MUC3A: variants seen among roughly 807,000 people sequenced by gnomAD.
MUC3A encodes the protein mucin-3A.
MUC3A carries 109 observed loss-of-function variants against 109.0 expected under a neutral mutation model. The observed-to-expected ratio is 1.00, with a 90% CI of 0.86 to 1.17. MUC3A has a LOEUF of 1.17. MUC3A is among the 50% of genes most tolerant of loss of function. The pLI is 0.00. For synonymous variants in MUC3A, 1,398 were observed against 981.4 expected, an observed-to-expected ratio of 1.42 and a Z score of -7.93; for missense variants, 3,537 against 2,469.4, an observed-to-expected ratio of 1.43 and a Z score of -9.16.
rs1436736513 is a variant in MUC3A, at chr7:100,965,871, G to T, written c.9611+5G>T. 1 of 1,589,558 alleles carries T rather than the reference G, an allele frequency of 6.3e-7. No individual in the cohort carries two copies. Among genetic ancestry groups the T allele is most frequent in the Non-Finnish European group, 8.5e-7 (1 of 1,173,922 alleles). On this transcript the variant is annotated splice_donor_5th_base_variant and intron_variant, in intron 8 of 11. Coordinates refer to ENST00000379458, the MANE Select transcript of MUC3A (RefSeq NM_005960.2). ...GACGAGCGGTCCCACGTGTCGGTAA[G>T]GCCCCGCTCACCATCGGCATCAGCC...
At position 100,964,723 on chromosome 7, in the gene MUC3A, G is replaced by T; in HGVS notation, c.9262G>T (p.Val3088Phe). ...RNGSIVVDYL[V>F]LLEMPFSPQL... ...TGGCAGCATCGTGGTGGACTACCTGGTCCTGCTGGAGATGCCCTTCAGCCC... is the reference window on the plus strand; with the variant it reads ...TGGCAGCATCGTGGTGGACTACCTGTTCCTGCTGGAGATGCCCTTCAGCCC... The change falls in exon 6 of 12, where the codon GTC (valine) becomes TTC (phenylalanine). Residue 3088 changes from valine (V) to phenylalanine (F), a missense_variant. Transcript: ENST00000379458. 6.3e-7 allele frequency: 1 copy of T among 1,598,450 alleles called. No homozygotes were observed. The highest frequency in any genetic ancestry group is 8.5e-7 in the Non-Finnish European group (1 of 1,179,752).
Position 100,959,973 on chromosome 7 carries a change from A to C in MUC3A, c.8194A>C (p.Ser2732Arg). The C allele has an allele frequency of 6.6e-7, 1 of 1,507,904 alleles. No individual in the cohort carries two copies. Among genetic ancestry groups the C allele is most frequent in the East Asian group, 2.3e-5 (1 of 44,180 alleles). 93.4% of individuals were successfully genotyped at this position (1,507,904 alleles called of 1,614,324 possible). A position where few individuals can be genotyped will look rare whatever the true frequency, so the allele number is the denominator to read the frequency against. The change falls in exon 2 of 12, where the codon AGT (serine) becomes CGT (arginine). Residue 2732 changes from serine to arginine, a missense_variant. By Grantham distance (110) the Ser-to-Arg change is moderately radical. Coordinates refer to ENST00000379458, the MANE Select transcript of MUC3A (RefSeq NM_005960.2). ...CTCCGCTTCTATCACAGGCTTTCCTAGTCTCTCTTCCTCTGCAACTACCAG... is the reference window on the plus strand; with the variant it reads ...CTCCGCTTCTATCACAGGCTTTCCTCGTCTCTCTTCCTCTGCAACTACCAG... ...VGSASITGFP[S>R]LSSSATTSTS...
In MUC3A at chr7:100,955,501, C is replaced by T. The variant is rs1486037544; in HGVS notation, c.3722C>T (p.Pro1241Leu). The T allele has an allele frequency of 1.9e-6, 1 of 531,648 alleles. No individual in the cohort carries two copies. The allele number at this position is 531,648 out of a possible 1,614,324, so 32.9% of individuals were successfully genotyped here. The change falls in exon 2 of 12, where the codon CCC becomes CTC. Residue 1241 changes from proline to leucine, a missense_variant. Coordinates refer to ENST00000379458, the MANE Select transcript of MUC3A (RefSeq NM_005960.2). Reference sequence around the variant, plus strand: ...TCCACAAGTGTCATTCCATCTTCCCCCAGCATCCAGAATACAGAAACCTCA... The same window carrying T: ...TCCACAAGTGTCATTCCATCTTCCCTCAGCATCCAGAATACAGAAACCTCA... ...AMSTSVIPSS[P>L]SIQNTETSSL...
intron 5 of MUC3A, 25 bp downstream of exon 5, chr7:100,963,777 G>C: frequency 6.3e-7 from 1 of 1,598,536 alleles, no homozygotes; most frequent in Non-Finnish European, 8.5e-7. Flanking sequence ...TGGGGATGCG[G>C]AGGCGGTGTT....
At chr7:100,962,426 A>G (rs200400637) in intron 3 of MUC3A, among the ~76,000 whole-genome samples, 3 of 104,070 alleles carry the variant, frequency 2.9e-5, no homozygotes, top group Admixed American at 2.7e-4. Context: ...TCAACAATAA[A>G]AAAAAGTTAG....
rs773236924 is a variant in MUC3A at position 100,966,933 on chromosome 7, C to G, written c.9912C>G (p.Asn3304Lys). 132 of 1,598,200 alleles carry G rather than the reference C, an allele frequency of 8.3e-5. No individual in the cohort carries two copies. Among genetic ancestry groups the G allele is most frequent in the Admixed American group, 1.7e-5 (1 of 60,014 alleles). Residue 3304 changes from asparagine (N) to lysine (K), a missense_variant, in exon 11 of 12, where the codon AAC (asparagine) becomes AAG (lysine). Physicochemically the swap from Asn to Lys is moderately conservative, Grantham distance 94 (BLOSUM62 0). Transcript: ENST00000379458. ...CAAATTTCTATGTGGCCTTGGAGAA[C>G]GTGGACACCACTATGAAGGTGAGGG... is the stretch of plus-strand genomic sequence containing the variant. ...KDTNFYVALE[N>K]VDTTMKVHIK...
chr7:100,962,491 A>G (rs1302464260), intron 3 of MUC3A, among the ~76,000 whole-genome samples: 1 of 152,308 alleles, frequency 6.6e-6, no homozygotes, highest in Non-Finnish European at 1.5e-5. Context: ...GCCATGTAGT[A>G]TAGCATAGTC....
intron 11 of MUC3A, 36 bp downstream of exon 11, chr7:100,966,987 C>G: frequency 6.3e-7 from 1 of 1,598,548 alleles, no homozygotes; most frequent in Non-Finnish European, 8.5e-7. Context: ...AAGGAACTCT[C>G]CCAGCCTCCA....
At position 100,963,237 on chromosome 7, in the gene MUC3A, A is replaced by G. The variant is rs919091505; in HGVS notation, c.9139A>G (p.Arg3047Gly). The G allele has an allele frequency of 6.3e-7, 1 of 1,598,150 alleles. No homozygotes were observed. Among genetic ancestry groups the G allele is most frequent in the Non-Finnish European group, 8.5e-7 (1 of 1,179,654 alleles). The change falls in exon 4 of 12, where the codon AGG becomes GGG. Residue 3047 changes from arginine to glycine, a missense_variant. By Grantham distance (125) the Arg-to-Gly change is moderately radical. Transcript: ENST00000379458. ...DLNDNTSQAY[R>G]DFNKTFWNQM... ...CAATGACAACACTTCCCAGGCCTAC[A>G]GGGATTTCAACAAGACCTTCTGGAA...
Position 100,957,281 on chromosome 7 carries a change from A to T in MUC3A, c.5502A>T (p.Thr1834=), listed in dbSNP as rs1792122946. 3.6e-6 allele frequency: 2 copies of T among 556,308 alleles called. No homozygotes were observed. Among genetic ancestry groups the T allele is most frequent in the Non-Finnish European group, 6.3e-6 (2 of 318,046 alleles). The allele number at this position is 556,308 out of a possible 1,614,324, so 34.5% of individuals were successfully genotyped here. ...TCTCCAATTCCGACACCAGTTCTAC[A>T]CCTACATCTGAGACCACCTACCCTA... is the stretch of plus-strand genomic sequence containing the variant. The part of the protein sequence containing the change: ...TTFSNSDTSS[T]PTSETTYPTS... Residue 1834 remains threonine, a synonymous_variant, in exon 2 of 12, where the codon ACA becomes ACT. Transcript: ENST00000379458.
In MUC3A at chr7:100,956,847, C is replaced by T; in HGVS notation, c.5068C>T (p.Leu1690Phe). Residue 1690 changes from leucine (L) to phenylalanine (F), a missense_variant, in exon 2 of 12, where the codon CTC becomes TTC. Coordinates refer to ENST00000379458, the MANE Select transcript of MUC3A (RefSeq NM_005960.2). The part of the protein sequence containing the change: ...ISSPPAITST[L>F]HTTAESTPSP... ...CTCACCCCCAGCCATCACCAGTACACTCCACACAACAGCTGAATCCACCCC... is the reference window on the plus strand; with the variant it reads ...CTCACCCCCAGCCATCACCAGTACATTCCACACAACAGCTGAATCCACCCC... 1 of 415,684 alleles carries T rather than the reference C, an allele frequency of 2.4e-6. No individual in the cohort carries two copies. 25.7% of individuals were successfully genotyped at this position (415,684 alleles called of 1,614,324 possible). A position where few individuals can be genotyped will look rare whatever the true frequency, so the allele number is the denominator to read the frequency against.
chr7:100,966,821 C>T, intron 10 of MUC3A, 78 bp downstream of exon 10: 1 of 1,598,410 alleles, frequency 6.3e-7, no homozygotes. Flanking sequence ...CCCTGCCTTC[C>T]TCGCATTTAC....
rs1383948360 is a variant in MUC3A at position 100,960,267 on chromosome 7, G to T, written c.8488G>T (p.Asp2830Tyr). Residue 2830 changes from aspartate (D) to tyrosine (Y), a missense_variant, in exon 2 of 12, where the codon GAC (aspartate) becomes TAC (tyrosine). By Grantham distance (160) the Asp-to-Tyr change is radical (BLOSUM62 -3). Transcript: ENST00000379458. ...SIQTTLTTYM[D>Y]TSSMMPESES... ...CCAAACTACTCTTACTACATATATG[G>T]ACACTTCTTCCATGATGCCAGAAAG... 1.9e-6 allele frequency: 3 copies of T among 1,598,432 alleles called. No individual in the cohort carries two copies. The highest frequency in any genetic ancestry group is 2.2e-5 in the South Asian group (2 of 91,092).
At chr7:100,960,978 G>A (rs1792308687) in intron 3 of MUC3A, 41 bp downstream of exon 3, 2 of 1,598,246 alleles carry the variant, frequency 1.3e-6, no homozygotes, top group South Asian at 1.1e-5. Flanking sequence ...TCCTCCCACA[G>A]GGTGTCACTG....
intron 5 of MUC3A, chr7:100,963,953 C>T (rs1293279474): frequency 4.2e-6 from 3 of 710,224 alleles, no homozygotes; most frequent in Middle Eastern, 3.6e-4. Flanking sequence ...CTCTCTTCTT[C>T]AGCACACTGG....
Position 100,968,300 on chromosome 7 carries a change from C to G in MUC3A, c.*1138C>G, listed in dbSNP as rs1792719082. On this transcript the variant is annotated 3_prime_UTR_variant, in exon 12 of 12. Transcript: ENST00000379458. ...TGGCTTTGGGGACAGGAAGTCGGCACATCTCCAGGTCTTCATGTGCACAAT... is the reference window on the plus strand; with the variant it reads ...TGGCTTTGGGGACAGGAAGTCGGCAGATCTCCAGGTCTTCATGTGCACAAT... 1 of 153,058 alleles carries G rather than the reference C, an allele frequency of 6.5e-6. No individual in the cohort carries two copies. The highest frequency in any genetic ancestry group is 1.5e-5 in the Non-Finnish European group (1 of 68,616). 9.5% of individuals were successfully genotyped at this position (153,058 alleles called of 1,614,324 possible).
At chr7:100,965,235 C>A in intron 6 of MUC3A, 47 bp from the exon 7 acceptor site, 3 of 2,224 alleles carry the variant, frequency 1.3e-3, no homozygotes, top group Non-Finnish European at 2.2e-3. Flanking sequence ...TTGACCTTAA[C>A]CCCTTGATCT....
At chr7:100,961,970 C>CTGAT (rs1792346513) in intron 3 of MUC3A, among the ~76,000 whole-genome samples, 1 of 37,502 alleles carries the variant, frequency 2.7e-5, no homozygotes, top group Admixed American at 3.6e-4. Flanking sequence ...ACTTACCTCA[C>CTGAT]GCCTGTAATC....
In MUC3A at chr7:100,954,142, C is replaced by G. The variant is rs1792042187; in HGVS notation, c.2363C>G (p.Thr788Arg). ...TSSTVYSTAS[T>R]YTTAITSVPT... ...TCAACCGTCTACTCCACAGCCAGCA[C>G]ATACACAACTGCCATCACCTCAGTT... The change falls in exon 2 of 12, where the codon ACA becomes AGA. Residue 788 changes from threonine to arginine, a missense_variant. Transcript: ENST00000379458. 1.4e-5 allele frequency: 8 copies of G among 590,704 alleles called. No homozygotes were observed. The highest frequency in any genetic ancestry group is 2.4e-5 in the Non-Finnish European group (8 of 335,810). 36.6% of individuals were successfully genotyped at this position (590,704 alleles called of 1,614,324 possible).
Sources: allele counts gnomAD v4.1 joint callset (sites outside exome capture counted in the v4.1 genomes callset), GRCh38; gene constraint gnomAD v4.1.1; transcripts MANE v1.5; gene names NCBI Gene and HGNC (gene_info 2026-07-23, HGNC 2026-07-21).